TTC39B: variants seen among roughly 807,000 people sequenced by gnomAD.
The protein encoded by TTC39B is tetratricopeptide repeat domain 39B.
A neutral mutation model predicts 96.6 loss-of-function variants in TTC39B; 92 were observed. That is an observed-to-expected ratio of 0.95 (90% CI 0.80 to 1.13). The LOEUF (loss-of-function observed/expected upper bound fraction) is 1.13, where lower values mean the gene tolerates loss of function less well. TTC39B is among the 50% of genes most tolerant of loss of function. The pLI, the probability that TTC39B is intolerant of heterozygous loss-of-function variation, is 0.00. For missense variants in TTC39B, 955 were observed against 809.3 expected (o/e 1.18, Z -2.18); for synonymous variants, 367 against 299.4 (o/e 1.23, Z -2.33).
chr9:15,301,681 G>A (rs927032476), intron 1 of TTC39B, among the ~76,000 whole-genome samples: 24 of 151,840 alleles, frequency 1.6e-4, no homozygotes, highest in African/African-American at 4.8e-4. Flanking sequence ...ACTTGAACCC[G>A]GGAGGCAGAG....
chr9:15,249,765 A>G, intron 2 of TTC39B: 1 of 494,850 alleles, frequency 2.0e-6, no homozygotes, highest in Non-Finnish European at 2.9e-6. Context: ...CTTAATGAAG[A>G]CAATGTCATC....
At chr9:15,168,835 T>C (rs1409019116) in exon 20 of TTC39B, 4 of 151,894 alleles carry the variant, frequency 2.6e-5, no homozygotes, top group African/African-American at 9.7e-5. Context: ...TAAATTAAAA[T>C]AAAATAAAAG....
intron 2 of TTC39B, among the ~76,000 whole-genome samples, chr9:15,234,853 C>G (rs1226075124): frequency 6.6e-6 from 1 of 151,858 alleles, no homozygotes; most frequent in Non-Finnish European, 1.5e-5. Flanking sequence ...AGAGTCATTA[C>G]CACTCCCTAA....
chr9:15,250,101 C>G, intron 2 of TTC39B: 1 of 1,263,684 alleles, frequency 7.9e-7, no homozygotes, highest in East Asian at 5.6e-5. Flanking sequence ...TCTCAATTCT[C>G]AGGCACAAGC....
chr9:15,217,555 G>T (rs563712701), intron 3 of TTC39B, among the ~76,000 whole-genome samples: 1 of 152,174 alleles, frequency 6.6e-6, no homozygotes, highest in African/African-American at 2.4e-5. Context: ...ATGACCAGGA[G>T]AGCAACTTTC....
At chr9:15,304,043 A>C (rs1353968116) in intron 1 of TTC39B, among the ~76,000 whole-genome samples, 2 of 152,224 alleles carry the variant, frequency 1.3e-5, no homozygotes, top group African/African-American at 2.4e-5. Context: ...GAATAATCTT[A>C]ATTGAATTAA....
chr9:15,257,814 C>T (rs954918544), intron 2 of TTC39B, among the ~76,000 whole-genome samples: 1 of 151,134 alleles, frequency 6.6e-6, no homozygotes, highest in Non-Finnish European at 1.5e-5. Context: ...AATCCCAGCA[C>T]TTTGGGAGTC....
chr9:15,252,489 A>C (rs545207945), intron 2 of TTC39B, among the ~76,000 whole-genome samples: 1 of 152,290 alleles, frequency 6.6e-6, no homozygotes, highest in East Asian at 1.9e-4. Context: ...TCTACTAAAA[A>C]TACAAAAAAT....
chr9:15,185,229 G>A, intron 16 of TTC39B, 51 bp downstream of exon 16: 1 of 1,561,926 alleles, frequency 6.4e-7, no homozygotes, highest in South Asian at 1.2e-5. Context: ...CCCTGCTGCT[G>A]TGAGTAGGTA....
At chr9:15,239,071 A>G (rs761568362) in intron 2 of TTC39B, among the ~76,000 whole-genome samples, 28 of 152,240 alleles carry the variant, frequency 1.8e-4, no homozygotes, top group Non-Finnish European at 3.5e-4. Context: ...TCAACAAGAA[A>G]GAAACAACAC....
intron 1 of TTC39B, among the ~76,000 whole-genome samples, chr9:15,292,324 A>T (rs10810372): frequency 2.6e-5 from 4 of 152,010 alleles, no homozygotes; most frequent in African/African-American, 9.7e-5. Context: ...AGTCACAGCC[A>T]TTATAACACA....
chr9:15,170,914 A>C (rs1347919002), exon 20 of TTC39B: 1 of 152,220 alleles, frequency 6.6e-6, no homozygotes, highest in South Asian at 2.1e-4. Flanking sequence ...ACAGTTATAA[A>C]ACTGAAAAAG....
At position 15,177,818 on chromosome 9, in the gene TTC39B, A is replaced by C. The variant is rs1342370778; in HGVS notation, c.1724-4T>G. On this transcript the variant is annotated splice_polypyrimidine_tract_variant and splice_region_variant and intron_variant, in intron 17 of 19. Transcript: ENST00000512701. ...TCCACAGAGAAGCTGTTAAAATCTT[A>C]AAACAAAAAACATACAAAGAAAACA... 1 of 1,539,436 alleles carries C rather than the reference A, an allele frequency of 6.5e-7. No homozygotes were observed. The highest frequency in any genetic ancestry group is 8.9e-7 in the Non-Finnish European group (1 of 1,129,458).
intron 2 of TTC39B, among the ~76,000 whole-genome samples, chr9:15,230,310 A>C (rs1342517232): frequency 2.7e-5 from 4 of 149,002 alleles, no homozygotes; most frequent in African/African-American, 1.0e-4. Flanking sequence ...ATATTCACAG[A>C]CTATCACCAC....
At chr9:15,177,566 T>C in intron 18 of TTC39B, 131 bp downstream of exon 18, 1 of 625,176 alleles carries the variant, frequency 1.6e-6, no homozygotes, top group Non-Finnish European at 2.8e-6. Context: ...AACACACTAC[T>C]GGATTTTCTT....
chr9:15,210,604 T>C (rs1820139428), intron 5 of TTC39B, among the ~76,000 whole-genome samples: 1 of 152,212 alleles, frequency 6.6e-6, no homozygotes, highest in African/African-American at 2.4e-5. Flanking sequence ...CCTTCTGCCC[T>C]AGTCCTATGG....
exon 20 of TTC39B, chr9:15,168,017 A>G (rs1184025752): frequency 2.0e-5 from 3 of 152,248 alleles, no homozygotes; most frequent in Admixed American, 6.5e-5. Flanking sequence ...TAGAAAAAGC[A>G]AACTTCACAG....
At chr9:15,177,499 T>C (rs1426456794) in intron 18 of TTC39B, among the ~76,000 whole-genome samples, 198 bp downstream of exon 18, 1 of 152,150 alleles carries the variant, frequency 6.6e-6, no homozygotes, top group East Asian at 1.9e-4. Context: ...CAAGTAGAAA[T>C]ACATAAAGTC....
intron 1 of TTC39B, among the ~76,000 whole-genome samples, chr9:15,301,795 T>C (rs1824601487): frequency 6.6e-6 from 1 of 150,728 alleles, no homozygotes; most frequent in South Asian, 2.1e-4. Flanking sequence ...AAAATTGTGG[T>C]AATGAATTTT....
Sources: allele counts gnomAD v4.1 joint callset (sites outside exome capture counted in the v4.1 genomes callset), GRCh38; gene constraint gnomAD v4.1.1; transcripts MANE v1.5; gene names NCBI Gene and HGNC (gene_info 2026-07-23, HGNC 2026-07-21).